MAP3K20: variants seen among roughly 807,000 people sequenced by gnomAD.
The protein encoded by MAP3K20 is mitogen-activated protein kinase kinase kinase 20, also known as HCCS-4.
MAP3K20 carries 40 observed loss-of-function variants against 85.7 expected under a neutral mutation model. The observed-to-expected ratio is 0.47, with a 90% CI of 0.36 to 0.61. The LOEUF is 0.61. Among genes scored for constraint, MAP3K20 ranks in the 20% least tolerant of loss-of-function variants. The probability of loss-of-function intolerance (pLI) is 0.00; values close to 1 mark genes in which losing one functional copy is unlikely to be tolerated. For missense variants in MAP3K20, 817 were observed against 961.7 expected, an observed-to-expected ratio of 0.85 and a Z score of 1.99; for synonymous variants, 325 against 327.7, an observed-to-expected ratio of 0.99 and a Z score of 0.09.
chr2:173,203,130 C>T (rs1389208374), intron 8 of MAP3K20, among the ~76,000 whole-genome samples: 3 of 152,090 alleles, frequency 2.0e-5, no homozygotes, highest in South Asian at 2.1e-4. Flanking sequence ...TTGCAACCCA[C>T]CAGTCTCTAA....
chr2:173,084,775 A>G (rs1432377451), intron 1 of MAP3K20, among the ~76,000 whole-genome samples: 1 of 152,160 alleles, frequency 6.6e-6, no homozygotes, highest in African/African-American at 2.4e-5. Flanking sequence ...TAATGAGAAA[A>G]CCATAATTTC....
chr2:173,097,006 A>G (rs1342215565), intron 2 of MAP3K20, among the ~76,000 whole-genome samples: 2 of 152,200 alleles, frequency 1.3e-5, no homozygotes, highest in African/African-American at 4.8e-5. Context: ...TGTGACTGCA[A>G]TGTCCTATTT....
chr2:173,237,861 C>G (rs1282588397), intron 14 of MAP3K20, among the ~76,000 whole-genome samples: 1 of 152,172 alleles, frequency 6.6e-6, no homozygotes, highest in Non-Finnish European at 1.5e-5. Flanking sequence ...ATTGCTTAGT[C>G]TGAGGTTCAA....
intron 1 of MAP3K20, among the ~76,000 whole-genome samples, chr2:173,085,784 A>ATTTTTTTTTTTT (rs61431056): frequency 8.1e-5 from 6 of 73,760 alleles, no homozygotes; most frequent in Non-Finnish European, 1.4e-4. Flanking sequence ...TGTAAAAGCA[A>ATTTTTTTTTTTT]TTTTTTTTTT....
At chr2:173,216,240 A>C (rs1408046540) in intron 10 of MAP3K20, among the ~76,000 whole-genome samples, 1 of 152,236 alleles carries the variant, frequency 6.6e-6, no homozygotes, top group African/African-American at 2.4e-5. Context: ...ACTTTCTGTG[A>C]AGAACAGATT....
At chr2:173,121,120 GC>G (rs1194245138) in intron 2 of MAP3K20, among the ~76,000 whole-genome samples, 1 of 152,178 alleles carries the variant, frequency 6.6e-6, no homozygotes, top group Non-Finnish European at 1.5e-5. Flanking sequence ...AATCAGAAAT[GC>G]TTTCAGGGTG....
At chr2:173,233,542 A>G (rs535805338) in intron 14 of MAP3K20, among the ~76,000 whole-genome samples, 6 of 152,316 alleles carry the variant, frequency 3.9e-5, no homozygotes, top group African/African-American at 1.4e-4. Context: ...AGATCTTAGA[A>G]TAAAATCAGG....
At chr2:173,211,352 C>T (rs1040459836) in intron 10 of MAP3K20, 3 of 152,250 alleles carry the variant, frequency 2.0e-5, no homozygotes, top group African/African-American at 7.2e-5. Context: ...AGATCATTCT[C>T]CCCTTAATTT....
chr2:173,116,627 T>G (rs1283751220), intron 2 of MAP3K20, among the ~76,000 whole-genome samples: 1 of 152,202 alleles, frequency 6.6e-6, no homozygotes, highest in Admixed American at 6.5e-5. Context: ...CCACCTTGCG[T>G]GTCTTTATCA....
chr2:173,136,672 C>A (rs1688809257), intron 2 of MAP3K20, among the ~76,000 whole-genome samples: 1 of 152,118 alleles, frequency 6.6e-6, no homozygotes, highest in African/African-American at 2.4e-5. Context: ...AAGAGGTGAC[C>A]CAAATCACAG....
At chr2:173,173,449 G>A (rs1381716568) in intron 3 of MAP3K20, among the ~76,000 whole-genome samples, 1 of 152,152 alleles carries the variant, frequency 6.6e-6, no homozygotes, top group Non-Finnish European at 1.5e-5. Flanking sequence ...TAAGTTACCT[G>A]TTCTGCGTTA....
At chr2:173,134,428 A>ATATATTTTTTT (rs56330241) in intron 2 of MAP3K20, among the ~76,000 whole-genome samples, 1 of 3,156 alleles carries the variant, frequency 3.2e-4, no homozygotes, top group Non-Finnish European at 6.4e-4. Context: ...ATATATATAT[A>ATATATTTTTTT]TTTTTTTTTT....
At chr2:173,093,742 A>C (rs528079240) in intron 2 of MAP3K20, among the ~76,000 whole-genome samples, 4 of 152,080 alleles carry the variant, frequency 2.6e-5, no homozygotes, top group Non-Finnish European at 5.9e-5. Context: ...AACCAACCCA[A>C]ATGTCCAACA....
At chr2:173,173,214 T>C (rs1690058829) in intron 3 of MAP3K20, among the ~76,000 whole-genome samples, 1 of 150,498 alleles carries the variant, frequency 6.6e-6, no homozygotes, top group South Asian at 2.1e-4. Flanking sequence ...AAAACATAAA[T>C]ATGTGAGGGC....
rs780909995 is a variant in MAP3K20 at position 173,217,110 on chromosome 2, T to A, written c.852-5T>A. On this transcript the variant is annotated splice_region_variant and splice_polypyrimidine_tract_variant and intron_variant, in intron 10 of 19. Transcript: ENST00000375213. ...TTGAGACTTACACCAGCTATCCCCG[T>A]GCAGGTGCGAAATTGAGGCAACTCT... The A allele has an allele frequency of 2.6e-6, 4 of 1,550,468 alleles. No individual in the cohort carries two copies. The highest frequency in any genetic ancestry group is 2.6e-6 in the Non-Finnish European group (3 of 1,146,842).
intron 7 of MAP3K20, among the ~76,000 whole-genome samples, chr2:173,195,260 C>A (rs1439210188): frequency 6.6e-6 from 1 of 151,486 alleles, no homozygotes; most frequent in African/African-American, 2.4e-5. Flanking sequence ...AGCTTCTCAG[C>A]CAAAACCAGC....
intron 7 of MAP3K20, among the ~76,000 whole-genome samples, chr2:173,191,805 G>A (rs1485437263): frequency 1.3e-5 from 2 of 152,144 alleles, no homozygotes; most frequent in Non-Finnish European, 2.9e-5. Flanking sequence ...CTAATGAGGG[G>A]GTGGAGTGCT....
chr2:173,107,098 A>AGT, intron 2 of MAP3K20, among the ~76,000 whole-genome samples: 1 of 152,298 alleles, frequency 6.6e-6, no homozygotes, highest in South Asian at 2.1e-4. Context: ...GAAACAGGGG[A>AGT]GTGAACTAGG....
chr2:173,170,986 G>A (rs1422335852), intron 3 of MAP3K20, among the ~76,000 whole-genome samples: 3 of 152,174 alleles, frequency 2.0e-5, no homozygotes, highest in Non-Finnish European at 4.4e-5. Flanking sequence ...GCGGCAGGTA[G>A]TTTAACATGC....
Sources: allele counts gnomAD v4.1 joint callset (sites outside exome capture counted in the v4.1 genomes callset), GRCh38; gene constraint gnomAD v4.1.1; transcripts MANE v1.5; gene names NCBI Gene and HGNC (gene_info 2026-07-23, HGNC 2026-07-21).